Variants in SAFB2 observed in about 807,000 individuals in gnomAD.
SAFB2 encodes scaffold attachment factor B2.
In SAFB2, 32 loss-of-function variants were observed where a neutral mutation model predicts 100.6. That is an observed-to-expected ratio of 0.32 (90% CI 0.24 to 0.43). The LOEUF is 0.43. Ranked by LOEUF, SAFB2 falls within the 20% of genes least tolerant of loss-of-function variation. SAFB2 has a pLI of 1.00. For missense variants in SAFB2, 1,185 were observed against 1,163.4 expected, an observed-to-expected ratio of 1.02 and a Z score of -0.27; for synonymous variants, 500 against 439.4, an observed-to-expected ratio of 1.14 and a Z score of -1.72.
intron 17 of SAFB2, 162 bp downstream of exon 17, chr19:5,591,586 G>A (rs557258859): frequency 6.4e-6 from 4 of 623,816 alleles, no homozygotes; most frequent in African/African-American, 3.7e-5. Context: ...CTAAATATTT[G>A]TACTTCTAGT....
chr19:5,619,190 G>A (rs527239241), intron 2 of SAFB2, among the ~76,000 whole-genome samples: 2 of 152,244 alleles, frequency 1.3e-5, no homozygotes, highest in South Asian at 4.1e-4. Context: ...AGGCTCTTGT[G>A]CTTTATCCAT....
chr19:5,594,031 G>A lies in SAFB2; in HGVS notation c.2067C>T (p.Arg689=), dbSNP rs1262103697. ...GCTCACGCTCCACGCGCATGCGCTC[G>A]CGCTCCAGCCGCTCCCGCTCCATGC... The part of the protein sequence containing the change: ...RERMERERLE[R]ERMRVERERR... Residue 689 remains arginine, a synonymous_variant, in exon 15 of 21, where the codon CGC becomes CGT. Coordinates refer to ENST00000252542, the MANE Select transcript of SAFB2 (RefSeq NM_014649.3). The A allele has an allele frequency of 5.1e-6, 8 of 1,570,772 alleles. No individual in the cohort carries two copies. Among genetic ancestry groups the A allele is most frequent in the Middle Eastern group, 1.9e-4 (1 of 5,184 alleles).
At chr19:5,609,021 C>T (rs1386077123) in intron 9 of SAFB2, among the ~76,000 whole-genome samples, 15 of 123,286 alleles carry the variant, frequency 1.2e-4, no homozygotes, top group African/African-American at 4.3e-4. Flanking sequence ...CACTGCACTT[C>T]AGCCTGGGCA....
intron 2 of SAFB2, among the ~76,000 whole-genome samples, chr19:5,618,754 G>A (rs1005419172): frequency 3.9e-5 from 6 of 152,250 alleles, no homozygotes; most frequent in Non-Finnish European, 7.3e-5. Flanking sequence ...AAGCATCACA[G>A]AAAAGCTAAT....
At chr19:5,603,608 C>G (rs2052709129) in intron 11 of SAFB2, among the ~76,000 whole-genome samples, 1 of 152,232 alleles carries the variant, frequency 6.6e-6, no homozygotes, top group African/African-American at 2.4e-5. Context: ...ACCCATGGTT[C>G]CCAACTACTA....
At chr19:5,590,537 C>G (rs923739119) in intron 17 of SAFB2, 129 bp from the exon 18 acceptor site, 4 of 1,051,654 alleles carry the variant, frequency 3.8e-6, no homozygotes, top group Non-Finnish European at 5.3e-6. Flanking sequence ...CTGAAGGGTG[C>G]AGTCTCAGCC....
intron 13 of SAFB2, among the ~76,000 whole-genome samples, chr19:5,596,463 G>A (rs1402148499): frequency 6.6e-6 from 1 of 152,134 alleles, no homozygotes; most frequent in African/African-American, 2.4e-5. Context: ...TCCCACCTCA[G>A]CCTCCTCAGT....
chr19:5,601,860 T>C (rs2052666196), intron 11 of SAFB2, among the ~76,000 whole-genome samples: 1 of 152,148 alleles, frequency 6.6e-6, no homozygotes, highest in Middle Eastern at 3.2e-3. Context: ...AGTAGATAAA[T>C]ATATATGCTG....
chr19:5,605,987 T>C (rs2052766505), intron 9 of SAFB2, among the ~76,000 whole-genome samples: 1 of 152,098 alleles, frequency 6.6e-6, no homozygotes, highest in African/African-American at 2.4e-5. Context: ...AGTGCACACG[T>C]GTGCGAGGAA....
At position 5,616,333 on chromosome 19, in the gene SAFB2, C is replaced by G. The variant is rs1353797294; in HGVS notation, c.342G>C (p.Glu114Asp). ...GLEDDSRDGQ[E>D]DMEASLENLQ... ...GGTTCTCCAGACTTGCTTCCATGTC[C>G]TCCTGTAAAGAGGAAGAAGAATCGT... is the stretch of plus-strand genomic sequence containing the variant. The change falls in exon 4 of 21, where the codon GAG (glutamate) becomes GAC (aspartate). Residue 114 changes from glutamate (E) to aspartate (D), a missense_variant and splice_region_variant. By Grantham distance (45) the Glu-to-Asp change is conservative. Coordinates refer to ENST00000252542, the MANE Select transcript of SAFB2 (RefSeq NM_014649.3). 1 of 1,614,150 alleles carries G rather than the reference C, an allele frequency of 6.2e-7. No individual in the cohort carries two copies. The highest frequency in any genetic ancestry group is 1.6e-4 in the Middle Eastern group (1 of 6,062).
chr19:5,604,568 G>GAA lies in SAFB2; in HGVS notation c.1559+13_1559+14dup, dbSNP rs1185294045. ...TCCCAGGGATTCCAAGAGGAGGTTT[G>GAA]AAAATTCACTTTACTTTTCAATTTT... On this transcript the variant is annotated intron_variant, in intron 11 of 20. Transcript: ENST00000252542. 6.2e-7 allele frequency: 1 copy of GAA among 1,606,430 alleles called. No homozygotes were observed. Among genetic ancestry groups the GAA allele is most frequent in the African/African-American group, 1.3e-5 (1 of 74,854 alleles).
chr19:5,610,599 AACCAT>A lies in SAFB2; in HGVS notation c.1195+35_1195+39del, dbSNP rs1321003918. ...CAGGCCCCTCCTCCCAAAATAAGGG[AACCAT>A]ACCTGGCTCCCTACCACGTTAAATT... On this transcript the variant is annotated intron_variant, in intron 8 of 20. Coordinates refer to ENST00000252542, the MANE Select transcript of SAFB2 (RefSeq NM_014649.3). 29 of 1,460,690 alleles carry A rather than the reference AACCAT, an allele frequency of 2.0e-5. 1 individual carries two copies. The highest frequency in any genetic ancestry group is 2.8e-5 in the Non-Finnish European group (29 of 1,053,916). 90.5% of individuals were successfully genotyped at this position (1,460,690 alleles called of 1,614,324 possible). A position where few individuals can be genotyped will look rare whatever the true frequency, so the allele number is the denominator to read the frequency against.
At chr19:5,593,163 T>C (rs1331763898) in intron 15 of SAFB2, among the ~76,000 whole-genome samples, 1 of 152,238 alleles carries the variant, frequency 6.6e-6, no homozygotes, top group East Asian at 1.9e-4. Flanking sequence ...GTTATTACCT[T>C]GATCCCCCCT....
chr19:5,622,053 G>C (rs115982781), intron 1 of SAFB2, among the ~76,000 whole-genome samples: 4 of 152,234 alleles, frequency 2.6e-5, no homozygotes, highest in Non-Finnish European at 5.9e-5. Flanking sequence ...ACAACAAGGG[G>C]CCGGCCACGA....
intron 9 of SAFB2, among the ~76,000 whole-genome samples, chr19:5,608,200 C>G (rs184511528): frequency 3.3e-5 from 5 of 152,308 alleles, no homozygotes; most frequent in Admixed American, 2.6e-4. Context: ...ACTCACGCCT[C>G]AGCTGAATGT....
At chr19:5,592,940 G>A (rs2052445764) in intron 15 of SAFB2, 53 bp from the exon 16 acceptor site, 9 of 1,573,204 alleles carry the variant, frequency 5.7e-6, no homozygotes, top group Non-Finnish European at 7.0e-6. Context: ...GAGAGGAGGA[G>A]GAAAAAAGGA....
intron 11 of SAFB2, among the ~76,000 whole-genome samples, chr19:5,604,302 G>C (rs2052726272): frequency 6.6e-6 from 1 of 152,222 alleles, no homozygotes; most frequent in Non-Finnish European, 1.5e-5. Context: ...TTACTTGGGA[G>C]GCTGAAGTAG....
rs767377817 is a variant in SAFB2, at chr19:5,587,272, G to A, written c.2833C>T (p.Pro945Ser). The A allele has an allele frequency of 4.3e-6, 7 of 1,613,120 alleles. No individual in the cohort carries two copies. In the East Asian group the frequency reaches 1.6e-4, roughly 36 times the overall value. ...RVPHPHPHPP[P>S]YPHFTRRY ...TAGCGGCGGGTGAAGTGGGGGTACG[G>A]GGGGGGATGAGGGTGTGGGTGAGGG... Residue 945 changes from proline (P) to serine (S), a missense_variant, in exon 21 of 21, where the codon CCG (proline) becomes TCG (serine). By Grantham distance (74) the Pro-to-Ser change is moderately conservative. This residue lies in a region of SAFB2 where 740 missense variants were observed against 687.1 expected (regional missense o/e 1.08). Coordinates refer to ENST00000252542, the MANE Select transcript of SAFB2 (RefSeq NM_014649.3). This position sits in a 1 kb window ranked among gnomAD's most constrained non-coding sequence, Gnocchi z 4.9.
Position 5,611,101 on chromosome 19 carries a change from A to C in SAFB2, c.1145+19T>G. ...TGAAAAGGAGATAGCGTCTGGTCTA[A>C]AACTGAGAAAAAACAAACCTCATTT... On this transcript the variant is annotated intron_variant, in intron 7 of 20. Transcript: ENST00000252542. 1 of 364,018 alleles carries C rather than the reference A, an allele frequency of 2.7e-6. No homozygotes were observed. Among genetic ancestry groups the C allele is most frequent in the Non-Finnish European group, 4.9e-6 (1 of 205,482 alleles). 22.5% of individuals were successfully genotyped at this position (364,018 alleles called of 1,614,324 possible).
Sources: allele counts gnomAD v4.1 joint callset (sites outside exome capture counted in the v4.1 genomes callset), GRCh38; gene constraint gnomAD v4.1.1; regional missense constraint gnomAD v4.1.1; non-coding constraint Gnocchi (gnomAD v3.1); transcripts MANE v1.5; gene names NCBI Gene and HGNC (gene_info 2026-07-23, HGNC 2026-07-21).